KIRREL3: variants seen among roughly 807,000 people sequenced by gnomAD.
The protein encoded by KIRREL3 is kin of IRRE-like protein 3.
In KIRREL3, 36 loss-of-function variants were observed where a neutral mutation model predicts 89.7. The observed-to-expected ratio is 0.40, with a 90% CI of 0.31 to 0.53. KIRREL3 has a LOEUF of 0.53. Among genes scored for constraint, KIRREL3 ranks in the 20% least tolerant of loss-of-function variants. The probability of loss-of-function intolerance (pLI) is 0.49; values close to 1 mark genes in which losing one functional copy is unlikely to be tolerated. For missense variants in KIRREL3, 864 were observed against 1,056.6 expected (o/e 0.82, Z 2.53); for synonymous variants, 445 against 441.4 (o/e 1.01, Z -0.10).
rs112519182 is a variant in KIRREL3 at position 126,653,795 on chromosome 11, G to A, written c.56-90883C>T. On this transcript the variant is annotated intron_variant, in intron 1 of 16. Transcript: ENST00000525144. This position sits in a 1 kb window ranked among gnomAD's most constrained non-coding sequence, Gnocchi z 5.4. ...GTGGAACCTGAGAAGGTGGAGAAGG[G>A]CAGGGATGCCCCTGGCACTTTTTTT... 2.7e-3 allele frequency among the ~76,000 whole-genome samples: 416 copies of A among 152,332 alleles called. 7 individuals are homozygous for A. The highest frequency in any genetic ancestry group is 9.6e-3 in the African/African-American group (397 of 41,570).
intron 1 of KIRREL3, among the ~76,000 whole-genome samples, chr11:126,964,853 G>T (rs146397919): frequency 6.6e-6 from 1 of 152,264 alleles, no homozygotes; most frequent in East Asian, 1.9e-4. Context: ...CCCTCAAACA[G>T]AAGTCTGTAT....
At chr11:126,960,608 C>T (rs1250688599) in intron 1 of KIRREL3, among the ~76,000 whole-genome samples, 1 of 152,226 alleles carries the variant, frequency 6.6e-6, no homozygotes, top group Non-Finnish European at 1.5e-5. Context: ...GTAGAGAGAG[C>T]ACAGCCTCAA....
rs1957328955 is a variant in KIRREL3 at position 126,485,261 on chromosome 11, A to T, written c.434-11795T>A. On this transcript the variant is annotated intron_variant, in intron 4 of 16. Transcript: ENST00000525144. This position sits in a 1 kb window ranked among gnomAD's most constrained non-coding sequence, Gnocchi z 5.8. ...TTTAGGATGATGGCATGTAGCTCAG[A>T]GGAAGGTGTGCTGGAGGCTGTTTCA... 6.6e-6 allele frequency among the ~76,000 whole-genome samples: 1 copy of T among 152,184 alleles called. No homozygotes were observed. The highest frequency in any genetic ancestry group is 2.1e-4 in the South Asian group (1 of 4,826).
intron 9 of KIRREL3, 104 bp downstream of exon 9, chr11:126,446,655 C>T: frequency 1.6e-6 from 2 of 1,257,448 alleles, no homozygotes; most frequent in Non-Finnish European, 2.2e-6. Context: ...TGGAGGCTGA[C>T]TCCCCCAGTC....
intron 1 of KIRREL3, among the ~76,000 whole-genome samples, chr11:126,889,721 G>T (rs1413377902): frequency 1.3e-5 from 2 of 152,182 alleles, no homozygotes; most frequent in Non-Finnish European, 2.9e-5. Flanking sequence ...TGTAGACAAG[G>T]AGAACTCACA....
intron 2 of KIRREL3, among the ~76,000 whole-genome samples, chr11:126,534,771 A>G (rs540002795): frequency 1.7e-4 from 26 of 152,258 alleles, no homozygotes; most frequent in African/African-American, 5.8e-4. Context: ...TCTCTGCCCT[A>G]CCTGAGAAGG....
intron 1 of KIRREL3, among the ~76,000 whole-genome samples, chr11:126,888,425 C>T (rs1945782519): frequency 6.6e-6 from 1 of 152,198 alleles, no homozygotes; most frequent in Non-Finnish European, 1.5e-5. Context: ...GCCTACAAAT[C>T]AGGGAAGAGC....
At chr11:126,469,912 T>G (rs1482789417) in intron 5 of KIRREL3, among the ~76,000 whole-genome samples, 2 of 152,248 alleles carry the variant, frequency 1.3e-5, no homozygotes, top group African/African-American at 4.8e-5. Flanking sequence ...CACCTTCATT[T>G]TGCAGACGAG....
chr11:126,450,392 GGTAT>G (rs1334043640), intron 7 of KIRREL3, among the ~76,000 whole-genome samples: 2 of 134,124 alleles, frequency 1.5e-5, no homozygotes, highest in Non-Finnish European at 3.2e-5. Context: ...TGTGAGTGTG[GGTAT>G]GTGTGAGTGT....
In KIRREL3 at chr11:126,485,115, G is replaced by A. The variant is rs1322291352; in HGVS notation, c.434-11649C>T. 6.6e-6 allele frequency among the ~76,000 whole-genome samples: 1 copy of A among 152,064 alleles called. No individual in the cohort carries two copies. Among genetic ancestry groups the A allele is most frequent in the East Asian group, 1.9e-4 (1 of 5,192 alleles). The stretch of plus-strand genomic sequence containing the variant: ...ATTACAGCTGTGAGCCACTGCGCCC[G>A]GCCACAAGTGGGATTGTTAAAGGAT... On this transcript the variant is annotated intron_variant, in intron 4 of 16. Transcript: ENST00000525144. This position sits in a 1 kb window ranked among gnomAD's most constrained non-coding sequence, Gnocchi z 5.8.
rs767572478 is a variant in KIRREL3, at chr11:126,425,711, T to G, written c.1820A>C (p.Glu607Ala). The G allele has an allele frequency of 6.3e-7, 1 of 1,596,054 alleles. No homozygotes were observed. Among genetic ancestry groups the G allele is most frequent in the South Asian group, 1.1e-5 (1 of 87,530 alleles). ...TIKQLMMDRGEFQQDSVLKQL... is the reference protein window; with the variant it reads ...TIKQLMMDRGAFQQDSVLKQL... Reference sequence around the variant, plus strand: ...TTTCAGGACTGAGTCTTGCTGGAATTCACCCCGGTCCATCTGCAACCCAAA... The same window carrying G: ...TTTCAGGACTGAGTCTTGCTGGAATGCACCCCGGTCCATCTGCAACCCAAA... Residue 607 changes from glutamate (E) to alanine (A), a missense_variant, in exon 16 of 17, where the codon GAA becomes GCA. By Grantham distance (107) the Glu-to-Ala change is moderately radical. Transcript: ENST00000525144.
intron 1 of KIRREL3, among the ~76,000 whole-genome samples, chr11:126,958,396 CA>C (rs895712257): frequency 3.3e-5 from 5 of 152,210 alleles, no homozygotes; most frequent in African/African-American, 7.2e-5. Flanking sequence ...TCCTCTGGCC[CA>C]GGGGGGCCCT....
At position 126,710,163 on chromosome 11, in the gene KIRREL3, C is replaced by G. The variant is rs150849553; in HGVS notation, c.56-147251G>C. ...TTCTACTATTCTGTCCTGTGTCCAT[C>G]AGTAGATGGGCTGGCATCAGTGGAC... On this transcript the variant is annotated intron_variant, in intron 1 of 16. Transcript: ENST00000525144. The surrounding 1 kb of genome is among the most constrained non-coding windows in gnomAD (Gnocchi z 4.2). 9.2e-5 allele frequency among the ~76,000 whole-genome samples: 14 copies of G among 152,288 alleles called. No individual in the cohort carries two copies. Among genetic ancestry groups the G allele is most frequent in the Admixed American group, 4.6e-4 (7 of 15,296 alleles).
intron 7 of KIRREL3, among the ~76,000 whole-genome samples, chr11:126,449,872 C>T (rs758163354): frequency 3.3e-5 from 5 of 152,240 alleles, no homozygotes; most frequent in Non-Finnish European, 7.3e-5. Context: ...CCTAGTTTCC[C>T]TGGATGGCAC....
In KIRREL3 at chr11:126,704,407, G is replaced by A. The variant is rs565445636; in HGVS notation, c.56-141495C>T. Reference sequence around the variant, plus strand: ...AAGAAGTGAGTACTAGCAGAACAGAGGCTTGCAAAAGACTGCAGCAACCAG... The same window carrying A: ...AAGAAGTGAGTACTAGCAGAACAGAAGCTTGCAAAAGACTGCAGCAACCAG... On this transcript the variant is annotated intron_variant, in intron 1 of 16. Transcript: ENST00000525144. The surrounding 1 kb of genome is among the most constrained non-coding windows in gnomAD (Gnocchi z 4.2). 1.7e-3 allele frequency among the ~76,000 whole-genome samples: 262 copies of A among 152,290 alleles called. 1 individual carries two copies. Among genetic ancestry groups the A allele is most frequent in the African/African-American group, 6.0e-3 (251 of 41,560 alleles).
chr11:126,557,723 T>C lies in KIRREL3; in HGVS notation c.133+5112A>G, dbSNP rs1326737132. 6.6e-6 allele frequency among the ~76,000 whole-genome samples: 1 copy of C among 152,144 alleles called. No individual in the cohort carries two copies. The highest frequency in any genetic ancestry group is 1.5e-5 in the Non-Finnish European group (1 of 68,020). On this transcript the variant is annotated intron_variant, in intron 2 of 16. Coordinates refer to ENST00000525144, the MANE Select transcript of KIRREL3 (RefSeq NM_032531.4). The surrounding 1 kb of genome is among the most constrained non-coding windows in gnomAD (Gnocchi z 5.6). ...CTTTAGAGCTGTCGAAGAAATGAGA[T>C]TCTCAACCTCCCAGGGCTCTGACTC...
intron 1 of KIRREL3, among the ~76,000 whole-genome samples, chr11:126,767,359 G>A (rs1193896829): frequency 6.6e-6 from 1 of 152,134 alleles, no homozygotes; most frequent in African/African-American, 2.4e-5. Context: ...GAAACCTGAG[G>A]GAGACCCCCA....
In KIRREL3 at chr11:126,990,254, GCCC is replaced by G. The variant is rs1205924398; in HGVS notation, c.55+10198_55+10200del. The stretch of plus-strand genomic sequence containing the variant: ...CTCCCTCTCTTTGAAGCTCTCTCAA[GCCC>G]CTCTGAGCATTTGCAATTGTACCCC... On this transcript the variant is annotated intron_variant, in intron 1 of 16. Transcript: ENST00000525144. This position sits in a 1 kb window ranked among gnomAD's most constrained non-coding sequence, Gnocchi z 6.3. Among the ~76,000 whole-genome samples, 2 of 152,120 alleles carry G rather than the reference GCCC, an allele frequency of 1.3e-5. No individual in the cohort carries two copies. The highest frequency in any genetic ancestry group is 2.9e-5 in the Non-Finnish European group (2 of 68,018).
chr11:126,653,426 G>A lies in KIRREL3; in HGVS notation c.56-90514C>T, dbSNP rs116976025. Among the ~76,000 whole-genome samples, 6,189 of 152,236 alleles carry A rather than the reference G, an allele frequency of 0.041. 295 individuals carry two copies. Among genetic ancestry groups the A allele is most frequent in the Admixed American group, 0.15 (2,275 of 15,284 alleles). The stretch of plus-strand genomic sequence containing the variant: ...GGGAATCACTCTCTAGCGCCTCACC[G>A]TCTTTGCTGTAAGATGGAGATAATG... On this transcript the variant is annotated intron_variant, in intron 1 of 16. Coordinates refer to ENST00000525144, the MANE Select transcript of KIRREL3 (RefSeq NM_032531.4). The surrounding 1 kb of genome is among the most constrained non-coding windows in gnomAD (Gnocchi z 5.4).
Sources: allele counts gnomAD v4.1 joint callset (sites outside exome capture counted in the v4.1 genomes callset), GRCh38; gene constraint gnomAD v4.1.1; non-coding constraint Gnocchi (gnomAD v3.1); transcripts MANE v1.5; gene names NCBI Gene and HGNC (gene_info 2026-07-23, HGNC 2026-07-21).